Variants in MID1 observed in about 807,000 individuals in gnomAD.
The protein encoded by MID1 is E3 ubiquitin-protein ligase Midline-1.
Under a neutral mutation model 40.4 loss-of-function variants are expected in MID1, and 7 were observed. That is an observed-to-expected ratio of 0.17 (90% CI 0.10 to 0.33). The LOEUF (loss-of-function observed/expected upper bound fraction) is 0.33, where lower values mean the gene tolerates loss of function less well. Among genes scored for constraint, MID1 ranks in the 10% least tolerant of loss-of-function variants. MID1 has a pLI of 1.00. For missense variants in MID1, 367 were observed against 558.5 expected (o/e 0.66, Z 3.46); for synonymous variants, 229 against 221.2 (o/e 1.04, Z -0.31).
At chrX:10,624,716 T>G (rs912411790), upstream of MID1, among the ~76,000 whole-genome samples, 3 of 112,080 alleles carry the variant, frequency 2.7e-5, no homozygotes, top group Non-Finnish European at 3.8e-5. Flanking sequence ...ACTCAAGTGA[T>G]TCTCCCACCT....
At chrX:10,475,089 A>C in intron 5 of MID1, 1 of 343,453 alleles carries the variant, frequency 2.9e-6, no homozygotes, top group East Asian at 8.9e-5. Flanking sequence ...CCCAGCAAGA[A>C]GCGCGTAGCT....
At position 10,495,768 on chromosome X, in the gene MID1, G is replaced by A. The variant is rs757538418; in HGVS notation, c.757-77C>T. 52 of 658,850 alleles carry A rather than the reference G, an allele frequency of 7.9e-5. No homozygotes were observed. In the Admixed American group the frequency reaches 8.4e-4, roughly 11 times the overall value. The allele number at this position is 658,850 out of a possible 1,213,427, so 54.3% of individuals were successfully genotyped here. On this transcript the variant is annotated intron_variant, in intron 3 of 9. Transcript: ENST00000317552. ...AAGTGCTATTTTTAATGTATACTAGGATGTTTCTAGTAATCTCTGAAAAGA... is the reference window on the plus strand; with the variant it reads ...AAGTGCTATTTTTAATGTATACTAGAATGTTTCTAGTAATCTCTGAAAAGA...
intron 1 of MID1, among the ~76,000 whole-genome samples, chrX:10,605,736 T>C (rs1935612840): frequency 8.9e-6 from 1 of 112,012 alleles, no homozygotes; most frequent in South Asian, 3.7e-4. Context: ...AGTCTGCATT[T>C]CAGTGTATTC....
chrX:10,755,590 G>A (rs748866305), intron 1 of MID1, among the ~76,000 whole-genome samples: 38 of 112,156 alleles, frequency 3.4e-4, no homozygotes, highest in African/African-American at 1.2e-3. Context: ...CACCCCCCAA[G>A]CCAGGGGTCG....
At chrX:10,526,913 G>T (rs1453295665) in intron 2 of MID1, among the ~76,000 whole-genome samples, 1 of 111,397 alleles carries the variant, frequency 9.0e-6, no homozygotes, top group East Asian at 2.8e-4. Context: ...CCTTTGAAGG[G>T]AACCTGGGTA....
At chrX:10,757,645 T>C (rs2043640941) in intron 1 of MID1, among the ~76,000 whole-genome samples, 1 of 112,370 alleles carries the variant, frequency 8.9e-6, no homozygotes, top group Non-Finnish European at 1.9e-5. Flanking sequence ...TTTTTCATTA[T>C]TGAAACTTTA....
upstream of MID1, among the ~76,000 whole-genome samples, chrX:10,623,536 C>G (rs1935964343): frequency 1.8e-5 from 2 of 111,526 alleles, no homozygotes; most frequent in African/African-American, 6.5e-5. Context: ...ATTAACAGAC[C>G]TTGTAGCAAA....
rs747750597 is a variant in MID1 at position 10,620,320 on chromosome X, C to G, written c.-87G>C. On this transcript the variant is annotated 5_prime_UTR_variant, in exon 1 of 10. Coordinates refer to ENST00000317552, the MANE Select transcript of MID1 (RefSeq NM_000381.4). ...TCATGTTTAGAATCCCATGACCCATCCGGCAGGGAGCGAGCTGCATCGGAG... is the reference window on the plus strand; with the variant it reads ...TCATGTTTAGAATCCCATGACCCATGCGGCAGGGAGCGAGCTGCATCGGAG... The G allele has an allele frequency of 1.8e-5, 2 of 112,639 alleles. No individual in the cohort carries two copies. Among genetic ancestry groups the G allele is most frequent in the South Asian group, 7.4e-4 (2 of 2,717 alleles). 9.3% of individuals were successfully genotyped at this position (112,639 alleles called of 1,213,427 possible).
intron 2 of MID1, among the ~76,000 whole-genome samples, chrX:10,528,999 A>G (rs988295146): frequency 1.8e-4 from 20 of 111,744 alleles, no homozygotes; most frequent in African/African-American, 5.8e-4. Flanking sequence ...GACCTTCAAC[A>G]AGTTCTTAAC....
chrX:10,484,534 G>C (rs371667611), intron 4 of MID1, among the ~76,000 whole-genome samples: 12 of 112,062 alleles, frequency 1.1e-4, no homozygotes, highest in African/African-American at 3.6e-4. Flanking sequence ...GACAAAATGA[G>C]AGTCGCCTGT....
chrX:10,687,646 T>C (rs2043108244), intron 1 of MID1, among the ~76,000 whole-genome samples: 1 of 112,482 alleles, frequency 8.9e-6, no homozygotes, highest in Non-Finnish European at 1.9e-5. Context: ...GCGAAAGCTT[T>C]ACAGGAGGGT....
chrX:10,565,759 T>A lies in MID1; in HGVS notation c.660+1129A>T, dbSNP rs778942049. Among the ~76,000 whole-genome samples the A allele has an allele frequency of 2.6e-4, 29 of 111,126 alleles. No homozygotes were observed. The East Asian group carries it at 5.9e-3, about 23-fold the overall frequency. ...GAAATTGAACAAACATGTGGAGACT[T>A]GGCTTATTATTTCTTCCCTAGTGCT... On this transcript the variant is annotated intron_variant, in intron 2 of 9. Transcript: ENST00000317552.
At chrX:10,644,514 C>G (rs907661508) in intron 1 of MID1, among the ~76,000 whole-genome samples, 2 of 110,103 alleles carry the variant, frequency 1.8e-5, no homozygotes, top group African/African-American at 6.6e-5. Flanking sequence ...TTCTGATACT[C>G]AAATATTTGA....
At chrX:10,579,106 T>C (rs1270570633) in intron 1 of MID1, among the ~76,000 whole-genome samples, 3 of 112,086 alleles carry the variant, frequency 2.7e-5, no homozygotes, top group Admixed American at 9.5e-5. Flanking sequence ...GCATCCCTTC[T>C]GCATTACAGA....
At chrX:10,712,332 G>A (rs1474988742) in intron 1 of MID1, among the ~76,000 whole-genome samples, 1 of 111,389 alleles carries the variant, frequency 9.0e-6, no homozygotes, top group African/African-American at 3.3e-5. Context: ...AGTTGGGCAA[G>A]TGGGTTCAAG....
intron 1 of MID1, among the ~76,000 whole-genome samples, chrX:10,639,282 T>G (rs1266815497): frequency 9.0e-6 from 1 of 110,974 alleles, no homozygotes; most frequent in Non-Finnish European, 1.9e-5. Context: ...ATGAGATGAA[T>G]GGCTAACTAG....
At chrX:10,659,861 AC>A (rs1327330400) in intron 1 of MID1, among the ~76,000 whole-genome samples, 1 of 112,080 alleles carries the variant, frequency 8.9e-6, no homozygotes, top group African/African-American at 3.2e-5. Context: ...AAAGTGTGTC[AC>A]AGTACATGCA....
intron 1 of MID1, among the ~76,000 whole-genome samples, chrX:10,723,191 A>G (rs1230480686): frequency 1.8e-5 from 2 of 112,161 alleles, no homozygotes; most frequent in Non-Finnish European, 3.8e-5. Context: ...CTAAAATGTT[A>G]GCGCTATAAA....
intron 1 of MID1, among the ~76,000 whole-genome samples, chrX:10,771,116 A>T (rs1217692574): frequency 9.1e-6 from 1 of 110,228 alleles, no homozygotes; most frequent in Non-Finnish European, 1.9e-5. Context: ...AAAAAAAAAA[A>T]AAAAAGATTC....
Sources: allele counts gnomAD v4.1 joint callset (sites outside exome capture counted in the v4.1 genomes callset), GRCh38; gene constraint gnomAD v4.1.1; transcripts MANE v1.5; gene names NCBI Gene and HGNC (gene_info 2026-07-23, HGNC 2026-07-21).